The following CSMD1 variants were observed in gnomAD, a reference collection of about 807,000 sequenced individuals.
CSMD1 encodes CUB and Sushi multiple domains 1.
CSMD1 carries 213 observed loss-of-function variants against 417.5 expected under a neutral mutation model. The ratio of observed to expected loss-of-function variants is 0.51; its 90% CI spans 0.46 to 0.57. The LOEUF (loss-of-function observed/expected upper bound fraction) is 0.57, where lower values mean the gene tolerates loss of function less well. Ranked by LOEUF, CSMD1 falls within the 20% of genes least tolerant of loss-of-function variation. CSMD1 has a pLI of 0.00. For missense variants in CSMD1, 6,923 were observed against 4,529.7 expected (o/e 1.53, Z -15.17); for synonymous variants, 2,862 against 1,736.8 (o/e 1.65, Z -16.11).
At chr8:3,538,333 T>C (rs907434676) in intron 10 of CSMD1, among the ~76,000 whole-genome samples, 1 of 151,536 alleles carries the variant, frequency 6.6e-6, no homozygotes, top group Non-Finnish European at 1.5e-5. Context: ...CATCTGAGAT[T>C]ATGCAACTGA....
intron 3 of CSMD1, among the ~76,000 whole-genome samples, chr8:4,088,339 C>G (rs1426672656): frequency 6.6e-6 from 1 of 152,200 alleles, no homozygotes; most frequent in African/African-American, 2.4e-5. Flanking sequence ...ACCATACTGG[C>G]TTTGCAGCAC....
At chr8:3,453,430 C>G (rs1472630364) in intron 12 of CSMD1, among the ~76,000 whole-genome samples, 2 of 152,132 alleles carry the variant, frequency 1.3e-5, no homozygotes, top group Non-Finnish European at 2.9e-5. Flanking sequence ...ATCTTGCCTG[C>G]TTTCTCTTGT....
chr8:3,500,479 G>A (rs1222593424), intron 10 of CSMD1, among the ~76,000 whole-genome samples: 1 of 152,176 alleles, frequency 6.6e-6, no homozygotes, highest in Non-Finnish European at 1.5e-5. Context: ...CTAAGACTCT[G>A]TCAGAGTATC....
At chr8:3,247,886 C>A (rs149151922) in intron 26 of CSMD1, among the ~76,000 whole-genome samples, 65 of 152,286 alleles carry the variant, frequency 4.3e-4, no homozygotes, top group Middle Eastern at 3.4e-3. Context: ...TCCATGGAAT[C>A]CATGCATTTT....
At chr8:3,430,076 C>T (rs1814120859) in intron 12 of CSMD1, among the ~76,000 whole-genome samples, 1 of 152,084 alleles carries the variant, frequency 6.6e-6, no homozygotes. Context: ...TATATACACA[C>T]ATGCATATAT....
chr8:4,891,284 C>A (rs1225214916), intron 1 of CSMD1, among the ~76,000 whole-genome samples: 1 of 152,104 alleles, frequency 6.6e-6, no homozygotes, highest in Non-Finnish European at 1.5e-5. Context: ...AACAAGAATA[C>A]TCTTACAAGT....
intron 5 of CSMD1, among the ~76,000 whole-genome samples, chr8:3,807,050 C>T (rs1800780432): frequency 6.6e-6 from 1 of 152,118 alleles, no homozygotes; most frequent in Non-Finnish European, 1.5e-5. Flanking sequence ...ACTCACAAGT[C>T]TGGTAGCTTA....
At chr8:3,811,665 G>A (rs551621370) in intron 5 of CSMD1, among the ~76,000 whole-genome samples, 3 of 152,146 alleles carry the variant, frequency 2.0e-5, no homozygotes, top group East Asian at 1.9e-4. Context: ...ATCTATGCCA[G>A]GAATCAATAT....
At chr8:3,652,613 C>T (rs142103800) in intron 7 of CSMD1, among the ~76,000 whole-genome samples, 317 of 152,228 alleles carry the variant, frequency 2.1e-3, no homozygotes, top group African/African-American at 7.2e-3. Flanking sequence ...AAAGAGCTCG[C>T]GCAAGGGAGC....
At chr8:4,217,684 T>C (rs1800765768) in intron 3 of CSMD1, among the ~76,000 whole-genome samples, 1 of 152,182 alleles carries the variant, frequency 6.6e-6, no homozygotes, top group African/African-American at 2.4e-5. Flanking sequence ...AGGAGCTAAT[T>C]TTGTTGTCTG....
At chr8:4,870,518 G>A (rs936130664) in intron 1 of CSMD1, among the ~76,000 whole-genome samples, 5 of 152,076 alleles carry the variant, frequency 3.3e-5, no homozygotes, top group Non-Finnish European at 7.3e-5. Context: ...ATGCAACTTG[G>A]CCAAGGAGTC....
chr8:4,930,232 G>C (rs897998453), intron 1 of CSMD1, among the ~76,000 whole-genome samples: 1 of 152,088 alleles, frequency 6.6e-6, no homozygotes, highest in African/African-American at 2.4e-5. Context: ...CACATATTAG[G>C]CATCTCGTGC....
At chr8:3,813,359 G>C (rs543941899) in intron 5 of CSMD1, among the ~76,000 whole-genome samples, 1 of 152,120 alleles carries the variant, frequency 6.6e-6, no homozygotes, top group South Asian at 2.1e-4. Flanking sequence ...ATTTTGCAAT[G>C]ATGTGAAGTA....
At chr8:3,038,121 G>A (rs1181700826) in intron 50 of CSMD1, among the ~76,000 whole-genome samples, 3 of 144,772 alleles carry the variant, frequency 2.1e-5, no homozygotes, top group Non-Finnish European at 4.8e-5. Context: ...CTATAGCCAT[G>A]TTAAATAAAT....
intron 11 of CSMD1, among the ~76,000 whole-genome samples, chr8:3,489,823 T>A (rs1179846962): frequency 6.6e-6 from 1 of 152,232 alleles, no homozygotes; most frequent in East Asian, 1.9e-4. Flanking sequence ...GTAACTAGAA[T>A]TCCATATTTC....
chr8:4,468,026 A>C (rs115294364), intron 2 of CSMD1, among the ~76,000 whole-genome samples: 2,943 of 151,636 alleles, frequency 0.019, 103 homozygotes, highest in African/African-American at 0.067. Flanking sequence ...CCCATCTCTC[A>C]CATGGGTTAC....
intron 3 of CSMD1, among the ~76,000 whole-genome samples, chr8:4,219,407 C>A (rs921441713): frequency 6.6e-6 from 1 of 152,198 alleles, no homozygotes; most frequent in African/African-American, 2.4e-5. Flanking sequence ...AAATTAATTA[C>A]AGAGCCTCCA....
chr8:4,176,954 G>T (rs1158623673), intron 3 of CSMD1, among the ~76,000 whole-genome samples: 6 of 151,008 alleles, frequency 4.0e-5, no homozygotes, highest in Non-Finnish European at 8.8e-5. Context: ...CCTACAAAGA[G>T]ACTTAGACTC....
chr8:4,671,114 G>A (rs188056489), intron 1 of CSMD1, among the ~76,000 whole-genome samples: 1 of 152,150 alleles, frequency 6.6e-6, no homozygotes, highest in Admixed American at 6.5e-5. Context: ...AAAACTAGCT[G>A]CATTTGCACT....
Sources: gnomAD v4.1 joint callset for allele counts (sites outside exome capture counted in the v4.1 genomes callset) on GRCh38, gnomAD v4.1.1 for gene constraint, MANE v1.5 for transcripts, NCBI Gene and HGNC (gene_info 2026-07-23, HGNC 2026-07-21) for gene names.